The following PPP4R3A variants were observed in gnomAD, a reference collection of about 807,000 sequenced individuals.
PPP4R3A encodes serine/threonine-protein phosphatase 4 regulatory subunit 3A.
A neutral mutation model predicts 91.7 loss-of-function variants in PPP4R3A; 15 were observed. That is an observed-to-expected ratio of 0.16 (90% CI 0.11 to 0.25). The LOEUF (loss-of-function observed/expected upper bound fraction) is 0.25. PPP4R3A is among the 10% of genes least tolerant of loss of function. PPP4R3A has a pLI of 1.00. For missense variants in PPP4R3A, 623 were observed against 998.4 expected, an observed-to-expected ratio of 0.62 and a Z score of 5.07; for synonymous variants, 377 against 348.7, an observed-to-expected ratio of 1.08 and a Z score of -0.91.
chr14:91,493,098 G>GA (rs1890320720), intron 1 of PPP4R3A, among the ~76,000 whole-genome samples: 1 of 152,006 alleles, frequency 6.6e-6, no homozygotes, highest in South Asian at 2.1e-4. Context: ...ATAAAAATAA[G>GA]AAAAAGTAGG....
Position 91,473,442 on chromosome 14 carries a change from T to C in PPP4R3A, c.1267-72A>G, listed in dbSNP as rs796974012. The C allele has an allele frequency of 4.0e-6, 6 of 1,486,582 alleles. No individual in the cohort carries two copies. In the African/African-American group the frequency reaches 5.6e-5, roughly 14 times the overall value. 92.1% of individuals were successfully genotyped at this position (1,486,582 alleles called of 1,614,324 possible). ...CGGAAAAAGCAAAAACTAAGACACA[T>C]ACCACAGCATTATACCTAGGCTCTA... On this transcript the variant is annotated intron_variant, in intron 7 of 14. Transcript: ENST00000554943.
intron 10 of PPP4R3A, among the ~76,000 whole-genome samples, chr14:91,467,499 G>C (rs1381179947): frequency 6.6e-6 from 1 of 152,096 alleles, no homozygotes; most frequent in African/African-American, 2.4e-5. Context: ...TAATAAATTT[G>C]TGACTTTTTA....
intron 4 of PPP4R3A, among the ~76,000 whole-genome samples, chr14:91,479,172 G>A (rs556336846): frequency 2.0e-5 from 3 of 152,022 alleles, no homozygotes; most frequent in South Asian, 4.1e-4. Context: ...TAGTAGAGAC[G>A]AGGTTTTGCC....
chr14:91,458,685 TG>T lies in PPP4R3A; in HGVS notation c.*73del. Reference sequence around the variant, plus strand: ...TTCACAAGAGACCACTGCGCTTTGTTGTGGATTTTGTATGGGGGAGGGGTGG... The same window carrying T: ...TTCACAAGAGACCACTGCGCTTTGTTTGGATTTTGTATGGGGGAGGGGTGG... On this transcript the variant is annotated 3_prime_UTR_variant, in exon 15 of 15. Coordinates refer to ENST00000554943, the MANE Select transcript of PPP4R3A (RefSeq NM_001366432.2). 1 of 1,609,584 alleles carries T rather than the reference TG, an allele frequency of 6.2e-7. No individual in the cohort carries two copies. The highest frequency in any genetic ancestry group is 8.5e-7 in the Non-Finnish European group (1 of 1,176,332).
At chr14:91,487,448 T>C (rs1889967209) in intron 2 of PPP4R3A, among the ~76,000 whole-genome samples, 1 of 152,142 alleles carries the variant, frequency 6.6e-6, no homozygotes, top group Admixed American at 6.5e-5. Flanking sequence ...TGAAGGGCTA[T>C]GTCACTCAAG....
chr14:91,462,843 T>C lies in PPP4R3A; in HGVS notation c.1865A>G (p.Glu622Gly), dbSNP rs756118736. Residue 622 changes from glutamate (E) to glycine (G), a missense_variant, in exon 12 of 15, where the codon GAA becomes GGA. Around this residue, in one of 5 missense-constraint regions of PPP4R3A, gnomAD observed 87 missense variants for 233.9 expected, o/e 0.37. Coordinates refer to ENST00000554943, the MANE Select transcript of PPP4R3A (RefSeq NM_001366432.2). ...DIKSLTAHVI[E>G]NYWKALEDVD... ...ATCTTCCAGTGCTTTCCAGTAATTT[T>C]CAATTACATGAGCAGTTAATGATTT... The C allele has an allele frequency of 2.5e-6, 4 of 1,601,402 alleles. No homozygotes were observed. Among genetic ancestry groups the C allele is most frequent in the South Asian group, 2.2e-5 (2 of 90,730 alleles).
At chr14:91,483,996 AGAG>A (rs1286574256) in intron 3 of PPP4R3A, among the ~76,000 whole-genome samples, 2 of 152,222 alleles carry the variant, frequency 1.3e-5, no homozygotes, top group Non-Finnish European at 2.9e-5. Context: ...GAAAGATGAG[AGAG>A]GAGAACAAGA....
chr14:91,486,240 AG>A (rs202124302), intron 2 of PPP4R3A, among the ~76,000 whole-genome samples: 3,441 of 124,896 alleles, frequency 0.028, 139 homozygotes, highest in African/African-American at 0.098. Context: ...ACCTATACAT[AG>A]GTTTTTTTGT....
At position 91,490,733 on chromosome 14, in the gene PPP4R3A, C is replaced by A. The variant is rs773966130; in HGVS notation, c.198+14G>T. 4 of 1,603,248 alleles carry A rather than the reference C, an allele frequency of 2.5e-6. No individual in the cohort carries two copies. Among genetic ancestry groups the A allele is most frequent in the Non-Finnish European group, 3.4e-6 (4 of 1,173,612 alleles). Reference sequence around the variant, plus strand: ...GGAAAATATGCAAGATAAAACACATCTTCAAAATTTTACCTGTTGTTTCTG... The same window carrying A: ...GGAAAATATGCAAGATAAAACACATATTCAAAATTTTACCTGTTGTTTCTG... On this transcript the variant is annotated intron_variant, in intron 2 of 14. Coordinates refer to ENST00000554943, the MANE Select transcript of PPP4R3A (RefSeq NM_001366432.2).
intron 5 of PPP4R3A, 152 bp from the exon 6 acceptor site, chr14:91,476,676 C>T: frequency 1.5e-6 from 1 of 674,614 alleles, no homozygotes; most frequent in East Asian, 2.8e-5. Flanking sequence ...AGCGATTCTC[C>T]TGCCTCAGCC....
intron 1 of PPP4R3A, among the ~76,000 whole-genome samples, chr14:91,503,203 G>GT (rs1204331376): frequency 3.3e-5 from 5 of 152,124 alleles, no homozygotes; most frequent in Non-Finnish European, 7.4e-5. Context: ...GCCCAGGCAG[G>GT]TATCGAACTT....
chr14:91,486,419 G>A (rs1325771643), intron 2 of PPP4R3A, among the ~76,000 whole-genome samples: 9 of 151,970 alleles, frequency 5.9e-5, no homozygotes, highest in Non-Finnish European at 1.0e-4. Flanking sequence ...GGGCCCTCCC[G>A]CCTTGGCCTC....
intron 9 of PPP4R3A, among the ~76,000 whole-genome samples, chr14:91,472,459 T>G (rs1180439589): frequency 1.5e-4 from 2 of 12,964 alleles, no homozygotes; most frequent in Admixed American, 7.8e-4. Flanking sequence ...AGGAAAATTG[T>G]TTTTTTTTTT....
At chr14:91,495,381 C>T (rs545531466) in intron 1 of PPP4R3A, among the ~76,000 whole-genome samples, 4 of 150,926 alleles carry the variant, frequency 2.7e-5, no homozygotes, top group African/African-American at 9.7e-5. Flanking sequence ...GTGGCGTGAT[C>T]TGAGCTCACT....
In PPP4R3A at chr14:91,476,451, G is replaced by A; in HGVS notation, c.1067C>T (p.Thr356Ile). The A allele has an allele frequency of 6.2e-7, 1 of 1,612,192 alleles. No individual in the cohort carries two copies. Among genetic ancestry groups the A allele is most frequent in the Non-Finnish European group, 8.5e-7 (1 of 1,179,494 alleles). Residue 356 changes from threonine (T) to isoleucine (I), a missense_variant, in exon 6 of 15, where the codon ACT (threonine) becomes ATT (isoleucine). This residue lies in a region of PPP4R3A where 264 missense variants were observed against 377.3 expected (regional missense o/e 0.70). Transcript: ENST00000554943. ...TGGTAATATGCCCATGTTTGACAAAGTCTTGAAAAAAGCATCTCTGTTTTG... is the reference window on the plus strand; with the variant it reads ...TGGTAATATGCCCATGTTTGACAAAATCTTGAAAAAAGCATCTCTGTTTTG... The part of the protein sequence containing the change: ...QPQNRDAFFK[T>I]LSNMGILPAL...
chr14:91,506,850 T>C (rs1595095222), intron 1 of PPP4R3A, among the ~76,000 whole-genome samples: 1 of 152,200 alleles, frequency 6.6e-6, no homozygotes, highest in South Asian at 2.1e-4. Context: ...GCACCCAGCC[T>C]AAGTCCATTC....
At chr14:91,495,123 T>C (rs2140143464) in intron 1 of PPP4R3A, among the ~76,000 whole-genome samples, 1 of 152,274 alleles carries the variant, frequency 6.6e-6, no homozygotes, top group Admixed American at 6.5e-5. Flanking sequence ...CAAAAACTTG[T>C]ACATTTATAT....
chr14:91,461,486 T>G lies in PPP4R3A; in HGVS notation c.2286A>C (p.Thr762=). The change falls in exon 14 of 15, where the codon ACA becomes ACC. Residue 762 remains threonine, a synonymous_variant. Coordinates refer to ENST00000554943, the MANE Select transcript of PPP4R3A (RefSeq NM_001366432.2). Reference sequence around the variant, plus strand: ...ATCCCGGAGAACCAGGCAGATTTGTTGTAGATGACTGGCTGGTGAGGTTAG... The same window carrying G: ...ATCCCGGAGAACCAGGCAGATTTGTGGTAGATGACTGGCTGGTGAGGTTAG... The part of the protein sequence containing the change: ...TKTNLTSQSS[T]TNLPGSPGSP... 6.2e-7 allele frequency: 1 copy of G among 1,614,194 alleles called. No individual in the cohort carries two copies. The highest frequency in any genetic ancestry group is 1.1e-5 in the South Asian group (1 of 91,080).
intron 1 of PPP4R3A, among the ~76,000 whole-genome samples, chr14:91,491,796 C>T (rs1311071529): frequency 2.6e-5 from 4 of 152,148 alleles, no homozygotes; most frequent in African/African-American, 9.7e-5. Context: ...AGCTCTGTTG[C>T]AGTTGTGCGA....
Sources: gnomAD v4.1 joint callset for allele counts (sites outside exome capture counted in the v4.1 genomes callset) on GRCh38, gnomAD v4.1.1 for gene constraint, gnomAD v4.1.1 regional missense constraint, MANE v1.5 for transcripts, NCBI Gene and HGNC (gene_info 2026-07-23, HGNC 2026-07-21) for gene names.